The following PPP1R14C variants were observed in gnomAD, a reference collection of about 807,000 sequenced individuals.
The protein encoded by PPP1R14C is protein phosphatase 1 regulatory subunit 14C.
PPP1R14C carries 16 observed loss-of-function variants against 20.4 expected under a neutral mutation model. The observed-to-expected ratio is 0.78, with a 90% CI of 0.53 to 1.19. The LOEUF (loss-of-function observed/expected upper bound fraction) is 1.19. Ranked by LOEUF, PPP1R14C falls within the 50% of genes most tolerant of loss-of-function variation. PPP1R14C has a pLI of 0.00. For synonymous variants in PPP1R14C, 91 were observed against 91.0 expected (o/e 1.00, Z 0.00); for missense variants, 211 against 220.1 (o/e 0.96, Z 0.26).
At chr6:150,171,469 T>G (rs1423371982) in intron 1 of PPP1R14C, among the ~76,000 whole-genome samples, 1 of 152,208 alleles carries the variant, frequency 6.6e-6, no homozygotes, top group Non-Finnish European at 1.5e-5. Flanking sequence ...GTCCTGACCT[T>G]TCTGCCTGAC....
intron 1 of PPP1R14C, among the ~76,000 whole-genome samples, chr6:150,149,891 A>G (rs770741302): frequency 9.9e-5 from 15 of 152,186 alleles, no homozygotes; most frequent in Non-Finnish European, 2.2e-4. Flanking sequence ...AATATTCTCT[A>G]AACTGTTCCT....
intron 1 of PPP1R14C, among the ~76,000 whole-genome samples, chr6:150,208,371 T>C (rs1777980182): frequency 6.6e-6 from 1 of 152,182 alleles, no homozygotes; most frequent in African/African-American, 2.4e-5. Flanking sequence ...GCTTCCAGGA[T>C]CCTCCCTTTA....
At chr6:150,193,144 C>T (rs9383717) in intron 1 of PPP1R14C, among the ~76,000 whole-genome samples, 2 of 151,998 alleles carry the variant, frequency 1.3e-5, no homozygotes, top group Non-Finnish European at 1.5e-5. Flanking sequence ...GAAGCTTAGA[C>T]GTTACCAAGA....
chr6:150,145,682 C>T (rs574076376), intron 1 of PPP1R14C, among the ~76,000 whole-genome samples: 1 of 152,276 alleles, frequency 6.6e-6, no homozygotes, highest in South Asian at 2.1e-4. Flanking sequence ...TCAAGAAGGA[C>T]GCACCCTAGC....
chr6:150,193,941 C>T (rs76584750), intron 1 of PPP1R14C, among the ~76,000 whole-genome samples: 8,860 of 152,066 alleles, frequency 0.058, 565 homozygotes, highest in African/African-American at 0.15. Context: ...ATAATTCCTG[C>T]GTGTTGTGGG....
intron 3 of PPP1R14C, among the ~76,000 whole-genome samples, chr6:150,223,030 A>G (rs959967005): frequency 6.6e-6 from 1 of 152,098 alleles, no homozygotes; most frequent in African/African-American, 2.4e-5. Context: ...CAGACTCCCA[A>G]AGTGCTGGGA....
chr6:150,160,327 C>G (rs556970750), intron 1 of PPP1R14C, among the ~76,000 whole-genome samples: 1 of 140,368 alleles, frequency 7.1e-6, no homozygotes, highest in South Asian at 2.3e-4. Context: ...TGCAGTGGCG[C>G]GATCTCGGCT....
intron 1 of PPP1R14C, among the ~76,000 whole-genome samples, chr6:150,155,802 A>G (rs1582895533): frequency 6.6e-6 from 1 of 151,984 alleles, no homozygotes; most frequent in Admixed American, 6.6e-5. Context: ...AGGCGGGTGG[A>G]TCACTTGAGG....
At chr6:150,222,588 C>T (rs1778181939) in intron 3 of PPP1R14C, among the ~76,000 whole-genome samples, 1 of 152,046 alleles carries the variant, frequency 6.6e-6, no homozygotes, top group South Asian at 2.1e-4. Context: ...CCTAACAATC[C>T]TCCGTGCTCT....
intron 3 of PPP1R14C, among the ~76,000 whole-genome samples, chr6:150,233,471 T>A (rs1778317036): frequency 6.6e-6 from 1 of 152,152 alleles, no homozygotes; most frequent in African/African-American, 2.4e-5. Context: ...ATATTAAACA[T>A]TGAAATAAAT....
intron 1 of PPP1R14C, among the ~76,000 whole-genome samples, chr6:150,207,340 T>G (rs1777966037): frequency 6.6e-6 from 1 of 152,232 alleles, no homozygotes; most frequent in Non-Finnish European, 1.5e-5. Context: ...AGGCCCAAGG[T>G]GAGGCCATCC....
intron 3 of PPP1R14C, among the ~76,000 whole-genome samples, chr6:150,217,116 G>A (rs1413655445): frequency 2.6e-5 from 4 of 151,880 alleles, no homozygotes; most frequent in Non-Finnish European, 5.9e-5. Flanking sequence ...AAAGGAAATT[G>A]TGAAAGGGTT....
intron 1 of PPP1R14C, among the ~76,000 whole-genome samples, chr6:150,184,477 G>A (rs910299364): frequency 2.0e-5 from 3 of 152,214 alleles, no homozygotes; most frequent in African/African-American, 4.8e-5. Flanking sequence ...ACTCTGTGAT[G>A]TTTGCACAAT....
intron 1 of PPP1R14C, among the ~76,000 whole-genome samples, chr6:150,208,702 G>A (rs1777983376): frequency 6.6e-6 from 1 of 152,156 alleles, no homozygotes; most frequent in South Asian, 2.1e-4. Flanking sequence ...TTGAGTGATA[G>A]CGTTTGGCTT....
chr6:150,198,545 G>T (rs1453480386), intron 1 of PPP1R14C, among the ~76,000 whole-genome samples: 1 of 152,242 alleles, frequency 6.6e-6, no homozygotes, highest in African/African-American at 2.4e-5. Flanking sequence ...TTAAGACCTG[G>T]ATGATTACAA....
At chr6:150,179,770 G>T (rs1417074146) in intron 1 of PPP1R14C, among the ~76,000 whole-genome samples, 1 of 152,138 alleles carries the variant, frequency 6.6e-6, no homozygotes, top group African/African-American at 2.4e-5. Context: ...GAGTGAGAAA[G>T]ACAGGAGTTT....
chr6:150,196,072 C>G, intron 1 of PPP1R14C: 1 of 985,440 alleles, frequency 1.0e-6, no homozygotes, highest in Non-Finnish European at 1.2e-6. Flanking sequence ...CGTAGTTCTG[C>G]TAGACCTCTC....
At chr6:150,155,207 T>C (rs193225093) in intron 1 of PPP1R14C, among the ~76,000 whole-genome samples, 12 of 152,330 alleles carry the variant, frequency 7.9e-5, no homozygotes, top group Admixed American at 4.6e-4. Flanking sequence ...CAAATTACTT[T>C]CTGTTGGGGA....
chr6:150,232,478 G>T (rs1205425892), intron 3 of PPP1R14C, among the ~76,000 whole-genome samples: 1 of 152,188 alleles, frequency 6.6e-6, no homozygotes, highest in African/African-American at 2.4e-5. Context: ...AAAAAGGCTT[G>T]TTTAAGAAAT....
Sources: gnomAD v4.1 joint callset for allele counts (sites outside exome capture counted in the v4.1 genomes callset) on GRCh38, gnomAD v4.1.1 for gene constraint, MANE v1.5 for transcripts, NCBI Gene and HGNC (gene_info 2026-07-23, HGNC 2026-07-21) for gene names.